Variants in DCC observed in about 807,000 individuals in gnomAD.
DCC encodes the protein netrin receptor DCC.
DCC carries 58 observed loss-of-function variants against 172.5 expected under a neutral mutation model. The observed-to-expected ratio is 0.34, with a 90% confidence interval of 0.27 to 0.42. DCC has a LOEUF of 0.42. DCC is among the 10% of genes least tolerant of loss of function. The pLI is 1.00. For missense variants in DCC, 1,740 were observed against 1,791.0 expected (o/e 0.97, Z 0.51); for synonymous variants, 709 against 644.5 (o/e 1.10, Z -1.52).
Position 53,006,713 on chromosome 18 carries a change from A to G in DCC, c.986-56592A>G, listed in dbSNP as rs1004470342. Among the ~76,000 whole-genome samples the G allele has an allele frequency of 3.3e-5, 5 of 152,350 alleles. No homozygotes were observed. In the East Asian group the frequency reaches 9.6e-4, roughly 29 times the overall value. On this transcript the variant is annotated intron_variant, in intron 5 of 28. Coordinates refer to ENST00000442544, the MANE Select transcript of DCC (RefSeq NM_005215.4). ...TACAAGCTAGGCAGGAAACAAAGGC[A>G]GATGTCAAACTATCATGTAAGCACA...
At position 52,894,941 on chromosome 18, in the gene DCC, G is replaced by T. The variant is rs547599997; in HGVS notation, c.413-11103G>T. On this transcript the variant is annotated intron_variant, in intron 2 of 28. Transcript: ENST00000442544. ...AAAATAATGTTTGGCCAAAAGGCTG[G>T]GTGCCCCACGGCCCAGTCAAGGTGA... 2.0e-5 allele frequency among the ~76,000 whole-genome samples: 3 copies of T among 152,252 alleles called. No individual in the cohort carries two copies. The South Asian group carries it at 6.2e-4, about 32-fold the overall frequency.
At chr18:52,744,052 TAAG>T (rs1300636651) in intron 1 of DCC, among the ~76,000 whole-genome samples, 2 of 152,178 alleles carry the variant, frequency 1.3e-5, no homozygotes, top group Non-Finnish European at 2.9e-5. Flanking sequence ...GCTATGGTCT[TAAG>T]AAGGAATTTC....
At chr18:52,589,410 C>G (rs1270365272) in intron 1 of DCC, among the ~76,000 whole-genome samples, 1 of 152,144 alleles carries the variant, frequency 6.6e-6, no homozygotes, top group Admixed American at 6.5e-5. Context: ...GAGTGTCAAC[C>G]TTCTAAGCTT....
intron 1 of DCC, among the ~76,000 whole-genome samples, chr18:52,667,009 G>A (rs1317033386): frequency 6.6e-6 from 1 of 152,140 alleles, no homozygotes; most frequent in Admixed American, 6.5e-5. Context: ...TAAAAGTTAT[G>A]TTGACTATGC....
chr18:52,345,635 C>T (rs1346163251), intron 1 of DCC, among the ~76,000 whole-genome samples: 2 of 152,204 alleles, frequency 1.3e-5, no homozygotes, highest in African/African-American at 4.8e-5. Context: ...TCAATACTGC[C>T]TCCCTTGACG....
chr18:52,438,105 CA>C (rs1410650793), intron 1 of DCC, among the ~76,000 whole-genome samples: 4 of 152,168 alleles, frequency 2.6e-5, no homozygotes, highest in Admixed American at 6.5e-5. Context: ...TTCCCAGTTT[CA>C]AAAAACAGAT....
intron 11 of DCC, among the ~76,000 whole-genome samples, chr18:53,214,012 T>C (rs181961002): frequency 5.9e-5 from 9 of 152,172 alleles, no homozygotes; most frequent in Non-Finnish European, 1.3e-4. Flanking sequence ...GTGTACACCA[T>C]GTGCCTTCAA....
intron 28 of DCC, chr18:53,526,964 A>C: frequency 1.7e-6 from 1 of 585,938 alleles, no homozygotes. Flanking sequence ...TCAGAGACTT[A>C]GTTATGTAAA....
intron 27 of DCC, among the ~76,000 whole-genome samples, chr18:53,525,911 G>A (rs773528671): frequency 4.6e-5 from 7 of 152,228 alleles, no homozygotes; most frequent in Middle Eastern, 3.4e-3. Context: ...GGTTGTATTA[G>A]CGCTACAAGC....
At chr18:52,792,506 CA>C (rs1419981088) in intron 2 of DCC, among the ~76,000 whole-genome samples, 2 of 152,130 alleles carry the variant, frequency 1.3e-5, no homozygotes, top group African/African-American at 2.4e-5. Flanking sequence ...TCAGTTGCCC[CA>C]GGACTTCTTC....
intron 27 of DCC, among the ~76,000 whole-genome samples, chr18:53,523,015 A>G (rs768954119): frequency 1.5e-4 from 23 of 152,206 alleles, no homozygotes; most frequent in Non-Finnish European, 3.1e-4. Context: ...CAGTCTATCC[A>G]TCTGACAAAG....
intron 5 of DCC, among the ~76,000 whole-genome samples, chr18:53,004,131 T>C (rs2041609458): frequency 6.6e-6 from 1 of 152,178 alleles, no homozygotes; most frequent in Non-Finnish European, 1.5e-5. Context: ...ATGTGTTTGG[T>C]TCCTTTTCAG....
intron 26 of DCC, among the ~76,000 whole-genome samples, chr18:53,489,143 TAAATA>T (rs1392570751): frequency 1.3e-5 from 2 of 152,228 alleles, no homozygotes; most frequent in East Asian, 1.9e-4. Flanking sequence ...TAAGGATTAT[TAAATA>T]AAAGTAGTTA....
intron 27 of DCC, among the ~76,000 whole-genome samples, chr18:53,524,231 G>T (rs2046431086): frequency 1.3e-5 from 2 of 151,310 alleles, no homozygotes; most frequent in South Asian, 4.2e-4. Flanking sequence ...TCAAAACATT[G>T]TTTTACACCA....
chr18:52,999,945 T>A (rs1175163479), intron 5 of DCC, among the ~76,000 whole-genome samples: 1 of 151,998 alleles, frequency 6.6e-6, no homozygotes, highest in Non-Finnish European at 1.5e-5. Context: ...TACATAGCCA[T>A]GCAGGGAGAA....
chr18:52,370,091 A>G (rs1288516063), intron 1 of DCC, among the ~76,000 whole-genome samples: 3 of 151,434 alleles, frequency 2.0e-5, no homozygotes, highest in Non-Finnish European at 4.4e-5. Flanking sequence ...CCTCACCAGC[A>G]TCTGTTGTTT....
At chr18:52,843,984 A>T (rs1260902703) in intron 2 of DCC, among the ~76,000 whole-genome samples, 1 of 152,114 alleles carries the variant, frequency 6.6e-6, no homozygotes, top group Non-Finnish European at 1.5e-5. Flanking sequence ...GCTGATAAAC[A>T]TCGCTTTTTT....
Position 53,467,912 on chromosome 18 carries a change from C to G in DCC, c.3638C>G (p.Ala1213Gly). ...TSHSGQDTEE[A>G]GSSMSTLERS... ...TTTTTAGGTCAAGACACTGAGGAAGCAGGGAGCTCTATGTCCACTCTGGAG... is the reference window on the plus strand; with the variant it reads ...TTTTTAGGTCAAGACACTGAGGAAGGAGGGAGCTCTATGTCCACTCTGGAG... The change falls in exon 25 of 29, where the codon GCA (alanine) becomes GGA (glycine). Residue 1213 changes from alanine (A) to glycine (G), a missense_variant. Physicochemically the swap from Ala to Gly is moderately conservative, Grantham distance 60. Around this residue, in one of 2 missense-constraint regions of DCC, gnomAD observed 1,732 missense variants for 1,767.4 expected, o/e 0.98. Coordinates refer to ENST00000442544, the MANE Select transcript of DCC (RefSeq NM_005215.4). 3.7e-6 allele frequency: 6 copies of G among 1,604,190 alleles called. No homozygotes were observed. The highest frequency in any genetic ancestry group is 5.1e-6 in the Non-Finnish European group (6 of 1,171,024).
intron 5 of DCC, among the ~76,000 whole-genome samples, chr18:52,958,106 G>A (rs2040776793): frequency 1.3e-5 from 2 of 152,158 alleles, no homozygotes; most frequent in South Asian, 2.1e-4. Context: ...GCTCTGGAGT[G>A]AGGAAGCTTT....
Sources: allele counts gnomAD v4.1 joint callset (sites outside exome capture counted in the v4.1 genomes callset), GRCh38; gene constraint gnomAD v4.1.1; regional missense constraint gnomAD v4.1.1; transcripts MANE v1.5; gene names NCBI Gene and HGNC (gene_info 2026-07-23, HGNC 2026-07-21).